PGAP4: variants seen among roughly 807,000 people sequenced by gnomAD.
PGAP4 encodes GPI-N-acetylgalactosamine transferase PGAP4.
PGAP4 carries 12 observed loss-of-function variants against 28.2 expected under a neutral mutation model. That is an observed-to-expected ratio of 0.42 (90% CI 0.27 to 0.69). The LOEUF is 0.69. Ranked by LOEUF, PGAP4 falls within the 30% of genes least tolerant of loss-of-function variation. The probability of loss-of-function intolerance (pLI) is 0.22; values close to 1 mark genes in which losing one functional copy is unlikely to be tolerated. For missense variants in PGAP4, 425 were observed against 513.5 expected (o/e 0.83, Z 1.67); for synonymous variants, 205 against 211.8 (o/e 0.97, Z 0.28).
In PGAP4 at chr9:101,476,425, A is replaced by G; in HGVS notation, c.668T>C (p.Val223Ala). The change falls in exon 2 of 2, where the codon GTC becomes GCC. Residue 223 changes from valine to alanine, a missense_variant. Val to Ala is a moderately conservative substitution (Grantham distance 64, BLOSUM62 0). Transcript: ENST00000374848. This position sits in a 1 kb window ranked among gnomAD's most constrained non-coding sequence, Gnocchi z 7.0. ...DAVPEEQIFP[V>A]LEHLLRARFS... ...GCGAGCCCGCAGAAGGTGCTCCAAG[A>G]CTGGGAAGATCTGCTCTTCTGGTAC... The G allele has an allele frequency of 6.2e-7, 1 of 1,614,120 alleles. No homozygotes were observed. Among genetic ancestry groups the G allele is most frequent in the Non-Finnish European group, 8.5e-7 (1 of 1,180,020 alleles).
intron 2 of PGAP4, among the ~76,000 whole-genome samples, chr9:101,517,044 A>T (rs1446090899): frequency 1.3e-5 from 2 of 152,200 alleles, no homozygotes; most frequent in Non-Finnish European, 2.9e-5. Flanking sequence ...CAGTTATAAT[A>T]ACTATATACT....
At chr9:101,532,260 A>T (rs1419252685) in intron 1 of PGAP4, among the ~76,000 whole-genome samples, 1 of 148,488 alleles carries the variant, frequency 6.7e-6, no homozygotes, top group Non-Finnish European at 1.5e-5. Flanking sequence ...ACAGAGTAAG[A>T]CTCTGTCTCG....
rs182410402 is a variant in PGAP4 at position 101,525,284 on chromosome 9, A to T, written c.-165+6064T>A. Among the ~76,000 whole-genome samples the T allele has an allele frequency of 2.6e-3, 399 of 152,308 alleles. 4 individuals are homozygous for T. Among genetic ancestry groups the T allele is most frequent in the African/African-American group, 8.6e-3 (356 of 41,562 alleles). ...CCCCCTTCATATTTATTTACACGTA[A>T]ATAGCTGAAATATTTCATTTAGAGA... On this transcript the variant is annotated intron_variant, in intron 2 of 3. Coordinates refer to the PGAP4 transcript ENST00000374851.
chr9:101,507,943 T>C (rs1826861398), intron 2 of PGAP4, among the ~76,000 whole-genome samples: 1 of 152,126 alleles, frequency 6.6e-6, no homozygotes, highest in Non-Finnish European at 1.5e-5. Flanking sequence ...GACCAATCTC[T>C]TATGAAATCC....
chr9:101,476,287 C>A lies in PGAP4; in HGVS notation c.806G>T (p.Gly269Val), dbSNP rs1416051899. 1 of 1,614,112 alleles carries A rather than the reference C, an allele frequency of 6.2e-7. No homozygotes were observed. The change falls in exon 2 of 2, where the codon GGC becomes GTC. Residue 269 changes from glycine to valine, a missense_variant. Gly to Val is a moderately radical substitution (Grantham distance 109, BLOSUM62 -3). Transcript: ENST00000374848. This position sits in a 1 kb window ranked among gnomAD's most constrained non-coding sequence, Gnocchi z 7.0. ...PMRILEWVGVGMLLGPLLTWI... is the reference protein window; with the variant it reads ...PMRILEWVGVVMLLGPLLTWI... ...GGTTAGTAAGGGCCCCAGCAACATGCCTACACCAACCCATTCCAGGATCCG... is the reference window on the plus strand; with the variant it reads ...GGTTAGTAAGGGCCCCAGCAACATGACTACACCAACCCATTCCAGGATCCG...
chr9:101,519,589 T>C (rs776633108), intron 2 of PGAP4, among the ~76,000 whole-genome samples: 1 of 151,778 alleles, frequency 6.6e-6, no homozygotes, highest in Non-Finnish European at 1.5e-5. Context: ...CTGTTCCTTT[T>C]GCTGTGCAAA....
Position 101,523,619 on chromosome 9 carries a change from C to CTTTTTTTTTTTTTTT in PGAP4, c.-165+7714_-165+7728dup, listed in dbSNP as rs71356369. Among the ~76,000 whole-genome samples, 279 of 59,308 alleles carry CTTTTTTTTTTTTTTT rather than the reference C, an allele frequency of 4.7e-3. 25 individuals carry two copies. Among genetic ancestry groups the CTTTTTTTTTTTTTTT allele is most frequent in the Non-Finnish European group, 5.5e-3 (177 of 32,442 alleles). 38.9% of individuals were successfully genotyped at this position (59,308 alleles called of 152,430 possible). The stretch of plus-strand genomic sequence containing the variant: ...ACATTTCTCCCCTCACTTCTTGTAT[C>CTTTTTTTTTTTTTTT]TTTTTTTTTTTTTTTTTTTTTTTTT... On this transcript the variant is annotated intron_variant, in intron 2 of 3. Transcript: ENST00000374851.
rs567771189 is a variant in PGAP4 at position 101,476,023 on chromosome 9, T to C, written c.1070A>G (p.His357Arg). The change falls in exon 2 of 2, where the codon CAC becomes CGC. Residue 357 changes from histidine to arginine, a missense_variant. His to Arg is a conservative substitution (Grantham distance 29). Transcript: ENST00000374848. The surrounding 1 kb of genome is among the most constrained non-coding windows in gnomAD (Gnocchi z 7.0). ...TLTYLSQVYC[H>R]KGFGKDMALY... ...TGCCATGTCCTTGCCAAAGCCCTTG[T>C]GGCAGTACACTTGGGACAGGTAGGT... is the stretch of plus-strand genomic sequence containing the variant. The C allele has an allele frequency of 6.2e-7, 1 of 1,614,140 alleles. No homozygotes were observed.
intron 2 of PGAP4, chr9:101,501,850 A>C: frequency 2.1e-6 from 1 of 481,798 alleles, no homozygotes; most frequent in Non-Finnish European, 4.1e-6. Context: ...AGGGGGATCA[A>C]GTTCAGATCC....
chr9:101,532,920 A>T (rs571470635), exon 1 of PGAP4: 4 of 152,168 alleles, frequency 2.6e-5, no homozygotes, highest in South Asian at 2.1e-4. Context: ...TCTATTTTTT[A>T]AAAAAGATAT....
chr9:101,505,612 G>T (rs57053192), intron 2 of PGAP4, among the ~76,000 whole-genome samples: 23,604 of 151,986 alleles, frequency 0.16, 2,406 homozygotes, highest in East Asian at 0.36. Context: ...ACAACCATCT[G>T]AGAATTCAGG....
At chr9:101,517,011 T>A (rs1020523546) in intron 2 of PGAP4, among the ~76,000 whole-genome samples, 3 of 152,184 alleles carry the variant, frequency 2.0e-5, no homozygotes, top group African/African-American at 7.2e-5. Context: ...AAGGGCAAAA[T>A]TTTTATTTTA....
intron 2 of PGAP4, among the ~76,000 whole-genome samples, chr9:101,515,581 A>G (rs926488774): frequency 2.0e-5 from 3 of 152,206 alleles, no homozygotes; most frequent in African/African-American, 7.2e-5. Context: ...TGCTGAAACC[A>G]TGCAAAGCTA....
At chr9:101,478,746 T>C (rs1014175869) in intron 1 of PGAP4, among the ~76,000 whole-genome samples, 13 of 152,188 alleles carry the variant, frequency 8.5e-5, no homozygotes, top group Non-Finnish European at 1.6e-4. Flanking sequence ...GGTCCTTGAA[T>C]CCTTTACATA....
intron 2 of PGAP4, among the ~76,000 whole-genome samples, chr9:101,528,519 C>T (rs923070850): frequency 1.3e-5 from 2 of 152,096 alleles, no homozygotes; most frequent in Non-Finnish European, 2.9e-5. Flanking sequence ...ACATGCTGTA[C>T]CCCCATCCCC....
At chr9:101,483,680 T>C (rs1826545722) in intron 1 of PGAP4, among the ~76,000 whole-genome samples, 1 of 152,102 alleles carries the variant, frequency 6.6e-6, no homozygotes, top group Non-Finnish European at 1.5e-5. Context: ...CATATCTGTA[T>C]CTATATTATC....
rs903697305 is a variant in PGAP4 at position 101,476,039 on chromosome 9, A to T, written c.1054T>A (p.Ser352Thr). 9.3e-6 allele frequency: 15 copies of T among 1,614,140 alleles called. No individual in the cohort carries two copies. Among genetic ancestry groups the T allele is most frequent in the African/African-American group, 1.3e-5 (1 of 75,022 alleles). Residue 352 changes from serine to threonine, a missense_variant, in exon 2 of 2, where the codon TCC becomes ACC. Coordinates refer to ENST00000374848, the MANE Select transcript of PGAP4 (RefSeq NM_032342.3). The surrounding 1 kb of genome is among the most constrained non-coding windows in gnomAD (Gnocchi z 7.0). ...AAGCCCTTGTGGCAGTACACTTGGG[A>T]CAGGTAGGTGAGGGTCCGGCGGGCC... is the stretch of plus-strand genomic sequence containing the variant. ...PAARRTLTYL[S>T]QVYCHKGFGK...
At position 101,486,110 on chromosome 9, in the gene PGAP4, C is replaced by G. The variant is rs1248649786; in HGVS notation, c.-78+839G>C. ...TGCAGGAGCTCACGCCCCAAGACAC[C>G]GCGAGCGCAGTGCGACACTAGCGAC... On this transcript the variant is annotated intron_variant, in intron 1 of 1. Transcript: ENST00000374848. This position sits in a 1 kb window ranked among gnomAD's most constrained non-coding sequence, Gnocchi z 4.7. Among the ~76,000 whole-genome samples, 2 of 152,296 alleles carry G rather than the reference C, an allele frequency of 1.3e-5. No homozygotes were observed. The highest frequency in any genetic ancestry group is 2.9e-5 in the Non-Finnish European group (2 of 68,018).
intron 2 of PGAP4, among the ~76,000 whole-genome samples, chr9:101,509,869 GC>G (rs74188695): frequency 0.16 from 23,914 of 152,116 alleles, 2,401 homozygotes; most frequent in East Asian, 0.36. Flanking sequence ...AGTCATGGCA[GC>G]CACTCCATCT....
Sources: allele counts gnomAD v4.1 joint callset (sites outside exome capture counted in the v4.1 genomes callset), GRCh38; gene constraint gnomAD v4.1.1; non-coding constraint Gnocchi (gnomAD v3.1); transcripts MANE v1.5; gene names NCBI Gene and HGNC (gene_info 2026-07-23, HGNC 2026-07-21).